Variants in MYO18B observed in about 807,000 individuals in gnomAD.
MYO18B encodes the protein myosin XVIIIB.
In MYO18B, 204 loss-of-function variants were observed where a neutral mutation model predicts 273.0. That is an observed-to-expected ratio of 0.75 (90% confidence interval 0.67 to 0.84). The LOEUF is 0.84. Ranked by LOEUF, MYO18B falls within the 40% of genes least tolerant of loss-of-function variation. The probability of loss-of-function intolerance (pLI) is 0.00; values close to 1 mark genes in which losing one functional copy is unlikely to be tolerated. For missense variants in MYO18B, 3,212 were observed against 3,287.6 expected, an observed-to-expected ratio of 0.98 and a Z score of 0.56; for synonymous variants, 1,330 against 1,305.7, an observed-to-expected ratio of 1.02 and a Z score of -0.40.
intron 21 of MYO18B, among the ~76,000 whole-genome samples, chr22:25,861,889 G>A (rs755099576): frequency 2.0e-5 from 3 of 152,028 alleles, no homozygotes; most frequent in Non-Finnish European, 4.4e-5. Context: ...TATAGCTCAC[G>A]TCTTCCTCCT....
Position 25,890,836 on chromosome 22 carries a change from AG to A in MYO18B, c.4396del (p.Glu1466SerfsTer26). 1 of 1,613,976 alleles carries A rather than the reference AG, an allele frequency of 6.2e-7. No homozygotes were observed. Among genetic ancestry groups the A allele is most frequent in the Non-Finnish European group, 8.5e-7 (1 of 1,179,892 alleles). On this transcript the variant is annotated frameshift_variant, in exon 26 of 44. Transcript: ENST00000335473. LOFTEE classifies it high-confidence loss of function. ...GCCAGGTGCTGGAGAGTGAGCGGGCAGAGCGGCTACAGGCCTTCCGGGAGGT... is the reference window on the plus strand; with the variant it reads ...GCCAGGTGCTGGAGAGTGAGCGGGCAAGCGGCTACAGGCCTTCCGGGAGGT... ...ACQVLESERA[E>X]RLQAFREVQE... is the part of the protein sequence containing the mutation.
chr22:26,010,126 G>A (rs917864525), intron 42 of MYO18B, among the ~76,000 whole-genome samples: 3 of 152,020 alleles, frequency 2.0e-5, no homozygotes, highest in South Asian at 2.1e-4. Context: ...CAACGAATCC[G>A]TAAGTCTTGT....
intron 23 of MYO18B, 105 bp downstream of exon 23, chr22:25,874,519 C>T: frequency 5.1e-6 from 7 of 1,372,454 alleles, no homozygotes; most frequent in Non-Finnish European, 6.9e-6. Context: ...TCCAAGGATC[C>T]AACCTGAGCA....
intron 12 of MYO18B, among the ~76,000 whole-genome samples, chr22:25,809,647 A>G (rs938605928): frequency 2.6e-5 from 4 of 152,228 alleles, no homozygotes; most frequent in Admixed American, 2.6e-4. Flanking sequence ...TCAGTGCTGG[A>G]ATGGATGGGG....
intron 12 of MYO18B, among the ~76,000 whole-genome samples, chr22:25,809,067 C>A (rs537337844): frequency 1.3e-5 from 2 of 152,016 alleles, no homozygotes; most frequent in South Asian, 2.1e-4. Flanking sequence ...CTTAGCCTCC[C>A]GAGTAGCTGG....
At chr22:25,866,263 T>C (rs2090882303) in intron 21 of MYO18B, among the ~76,000 whole-genome samples, 1 of 113,310 alleles carries the variant, frequency 8.8e-6, no homozygotes, top group African/African-American at 3.5e-5. Flanking sequence ...GAGGGGGTAG[T>C]ATGAGGGTGG....
intron 34 of MYO18B, among the ~76,000 whole-genome samples, chr22:25,927,753 C>T (rs2092442091): frequency 6.6e-6 from 1 of 152,192 alleles, no homozygotes; most frequent in South Asian, 2.1e-4. Context: ...CGTGTGATGT[C>T]TCCCCCGGAC....
intron 33 of MYO18B, among the ~76,000 whole-genome samples, chr22:25,920,927 T>C (rs2092330825): frequency 6.6e-6 from 1 of 152,208 alleles, no homozygotes; most frequent in Non-Finnish European, 1.5e-5. Context: ...ACTGATGACT[T>C]GCGTGCAAGA....
chr22:25,823,397 T>A (rs2089358204), intron 12 of MYO18B, 108 bp from the exon 13 acceptor site: 2 of 1,237,892 alleles, frequency 1.6e-6, no homozygotes, highest in Admixed American at 2.6e-5. Flanking sequence ...CTGAGGAGGC[T>A]GGCCTGGAGA....
chr22:25,895,173 C>G lies in MYO18B; in HGVS notation c.4561C>G (p.Arg1521Gly), dbSNP rs749209387. 1.2e-6 allele frequency: 2 copies of G among 1,612,244 alleles called. No individual in the cohort carries two copies. Among genetic ancestry groups the G allele is most frequent in the African/African-American group, 2.7e-5 (2 of 75,048 alleles). Residue 1521 changes from arginine to glycine, a missense_variant, in exon 28 of 44, where the codon CGC becomes GGC. Coordinates refer to ENST00000335473, the MANE Select transcript of MYO18B (RefSeq NM_032608.7). ...TTAAACAGCAGACGAGTGGCAGATGCGCTTCGACTGTGCTCAGATGGAGAA... is the reference window on the plus strand; with the variant it reads ...TTAAACAGCAGACGAGTGGCAGATGGGCTTCGACTGTGCTCAGATGGAGAA... ...PTGGADEWQM[R>G]FDCAQMENEF... is the part of the protein sequence containing the mutation.
At chr22:25,801,678 C>T (rs2092509339) in intron 12 of MYO18B, among the ~76,000 whole-genome samples, 1 of 152,114 alleles carries the variant, frequency 6.6e-6, no homozygotes, top group African/African-American at 2.4e-5. Context: ...CAGTACCTTC[C>T]AGAGTGGGGT....
intron 39 of MYO18B, among the ~76,000 whole-genome samples, chr22:25,971,946 CA>C (rs112080760): frequency 1.2e-3 from 167 of 143,730 alleles, no homozygotes; most frequent in Admixed American, 3.1e-3. Context: ...CCTGAAAGGG[CA>C]AAAAAAAAAA....
rs78218758 is a variant in MYO18B, at chr22:25,903,325, G to T, written c.4948-306G>T. On this transcript the variant is annotated intron_variant, in intron 30 of 43. Transcript: ENST00000335473. ...GCACACAGGGAAGCTTTAGCTGTGT[G>T]CCTCCACTTCCCTTACAAATGGGGT... 2,068 of 337,974 alleles carry T rather than the reference G, an allele frequency of 6.1e-3. 43 individuals are homozygous for T. The highest frequency in any genetic ancestry group is 0.04 in the African/African-American group (1,889 of 47,442). 20.9% of individuals were successfully genotyped at this position (337,974 alleles called of 1,614,324 possible). A position where few individuals can be genotyped will look rare whatever the true frequency, so the allele number is the denominator to read the frequency against.
At chr22:25,958,068 C>T (rs1299528354) in intron 39 of MYO18B, among the ~76,000 whole-genome samples, 1 of 152,060 alleles carries the variant, frequency 6.6e-6, no homozygotes, top group African/African-American at 2.4e-5. Context: ...ATGCGCGCCA[C>T]CATGCCCAGC....
At chr22:25,931,084 C>T (rs1222758094) in intron 34 of MYO18B, among the ~76,000 whole-genome samples, 1 of 152,172 alleles carries the variant, frequency 6.6e-6, no homozygotes, top group East Asian at 1.9e-4. Flanking sequence ...CATTTTTCCC[C>T]AGCCAGGAAC....
chr22:25,806,448 G>A (rs1179191272), intron 12 of MYO18B, among the ~76,000 whole-genome samples: 2 of 152,156 alleles, frequency 1.3e-5, no homozygotes, highest in Non-Finnish European at 2.9e-5. Context: ...CAATGAGACT[G>A]CATCCCTCCC....
At chr22:25,837,123 A>C (rs2089928746) in intron 17 of MYO18B, among the ~76,000 whole-genome samples, 1 of 152,132 alleles carries the variant, frequency 6.6e-6, no homozygotes. Context: ...AGCACCTAAT[A>C]TGTGGCAGCC....
intron 21 of MYO18B, among the ~76,000 whole-genome samples, chr22:25,857,149 A>G (rs2090596015): frequency 6.6e-6 from 1 of 152,194 alleles, no homozygotes; most frequent in Admixed American, 6.5e-5. Context: ...AAGCCTACAT[A>G]GAGTGAATAC....
chr22:25,784,204 G>A (rs976891525), intron 10 of MYO18B, among the ~76,000 whole-genome samples: 3 of 152,104 alleles, frequency 2.0e-5, no homozygotes, highest in Admixed American at 1.3e-4. Flanking sequence ...TCTTTGAATT[G>A]GGGCCCTGTC....
Sources: allele counts gnomAD v4.1 joint callset (sites outside exome capture counted in the v4.1 genomes callset), GRCh38; gene constraint gnomAD v4.1.1; transcripts MANE v1.5; gene names NCBI Gene and HGNC (gene_info 2026-07-23, HGNC 2026-07-21).